Variants in PDSS2 observed in about 807,000 individuals in gnomAD.
PDSS2 encodes the protein decaprenyl diphosphate synthase subunit 2, also known as all trans-polyprenyl-diphosphate synthase PDSS2.
PDSS2 carries 31 observed loss-of-function variants against 44.5 expected under a neutral mutation model. The observed-to-expected ratio is 0.70, with a 90% CI of 0.52 to 0.94. The LOEUF is 0.94. PDSS2 is among the 40% of genes least tolerant of loss of function. The probability of loss-of-function intolerance (pLI) is 0.00; values close to 1 mark genes in which losing one functional copy is unlikely to be tolerated. For missense variants in PDSS2, 452 were observed against 482.2 expected (o/e 0.94, Z 0.59); for synonymous variants, 157 against 180.3 (o/e 0.87, Z 1.03).
chr6:107,357,136 C>G (rs962728507), intron 1 of PDSS2, among the ~76,000 whole-genome samples: 2 of 152,072 alleles, frequency 1.3e-5, no homozygotes, highest in Non-Finnish European at 2.9e-5. Context: ...TTTAAATATG[C>G]GCACAGGAGA....
chr6:107,243,464 A>G (rs956239796), intron 4 of PDSS2, among the ~76,000 whole-genome samples: 10 of 152,256 alleles, frequency 6.6e-5, no homozygotes, highest in African/African-American at 2.4e-4. Flanking sequence ...TGGTAAGAGT[A>G]GATAAATTAA....
At chr6:107,227,663 T>C (rs1328180202) in intron 4 of PDSS2, among the ~76,000 whole-genome samples, 1 of 152,066 alleles carries the variant, frequency 6.6e-6, no homozygotes, top group Non-Finnish European at 1.5e-5. Flanking sequence ...CTGGTGAAGG[T>C]GGTGGTACGG....
rs551130036 is a variant in PDSS2, at chr6:107,227,238, C to G, written c.703-14956G>C. ...CCTCAAGTGATCTGCCGGCCCTGGC[C>G]TCCCAAAGTGCTGGGATTATAGGTG... On this transcript the variant is annotated intron_variant, in intron 4 of 7. Coordinates refer to ENST00000369037, the MANE Select transcript of PDSS2 (RefSeq NM_020381.4). 6.7e-5 allele frequency among the ~76,000 whole-genome samples: 10 copies of G among 148,926 alleles called. No individual in the cohort carries two copies. In the South Asian group the frequency reaches 2.1e-3, roughly 32 times the overall value.
At chr6:107,451,221 G>GT (rs1226041271) in intron 1 of PDSS2, among the ~76,000 whole-genome samples, 3 of 152,150 alleles carry the variant, frequency 2.0e-5, no homozygotes, top group Non-Finnish European at 4.4e-5. Context: ...GAGAAATCTA[G>GT]TTTATCTGCA....
chr6:107,422,501 A>C (rs1780858512), intron 1 of PDSS2, among the ~76,000 whole-genome samples: 1 of 152,104 alleles, frequency 6.6e-6, no homozygotes, highest in Non-Finnish European at 1.5e-5. Context: ...ACAAGTGTGC[A>C]ATGACATACA....
At chr6:107,308,549 G>C (rs181210999) in intron 2 of PDSS2, among the ~76,000 whole-genome samples, 97 of 152,282 alleles carry the variant, frequency 6.4e-4, no homozygotes, top group Admixed American at 1.7e-3. Flanking sequence ...TAGTACATAA[G>C]TGTAAACTGA....
At chr6:107,374,412 T>C (rs1033708911) in intron 1 of PDSS2, among the ~76,000 whole-genome samples, 4 of 152,224 alleles carry the variant, frequency 2.6e-5, no homozygotes, top group African/African-American at 9.6e-5. Context: ...TTTTAAAGTT[T>C]AGCATGTAGT....
chr6:107,405,731 C>G (rs1367649517), intron 1 of PDSS2, among the ~76,000 whole-genome samples: 6 of 150,884 alleles, frequency 4.0e-5, no homozygotes, highest in Admixed American at 6.6e-5. Context: ...CCTGTAGTCC[C>G]AGCTACTTGG....
intron 1 of PDSS2, among the ~76,000 whole-genome samples, chr6:107,375,523 A>G (rs1203767528): frequency 6.6e-6 from 1 of 152,260 alleles, no homozygotes; most frequent in Non-Finnish European, 1.5e-5. Flanking sequence ...ATGAAAGTTC[A>G]TGTAAGAAGA....
Position 107,388,002 on chromosome 6 carries a change from T to C in PDSS2, c.297-53670A>G, listed in dbSNP as rs1010442804. Among the ~76,000 whole-genome samples the C allele has an allele frequency of 3.9e-5, 6 of 152,210 alleles. No homozygotes were observed. The East Asian group carries it at 1.2e-3, about 29-fold the overall frequency. On this transcript the variant is annotated intron_variant, in intron 1 of 7. Transcript: ENST00000369037. ...TATTCAATCAATTACATTATTTTAG[T>C]ATAATTATCTATTTCCTTAGACTAC...
At chr6:107,301,768 C>T (rs1314767918) in intron 2 of PDSS2, among the ~76,000 whole-genome samples, 2 of 151,894 alleles carry the variant, frequency 1.3e-5, no homozygotes, top group African/African-American at 2.4e-5. Context: ...TTGAGACCAG[C>T]TTGACCAACA....
chr6:107,224,171 T>C (rs1413445291), intron 4 of PDSS2, among the ~76,000 whole-genome samples: 1 of 151,358 alleles, frequency 6.6e-6, no homozygotes, highest in East Asian at 1.9e-4. Context: ...AACAACAATA[T>C]GAGCTGCTCA....
In PDSS2 at chr6:107,459,063, C is replaced by A. The variant is rs369079759; in HGVS notation, c.223G>T (p.Asp75Tyr). The change falls in exon 1 of 8, where the codon GAC (aspartate) becomes TAC (tyrosine). Residue 75 changes from aspartate (D) to tyrosine (Y), a missense_variant. Physicochemically the swap from Asp to Tyr is radical, Grantham distance 160. Coordinates refer to ENST00000369037, the MANE Select transcript of PDSS2 (RefSeq NM_020381.4). The surrounding 1 kb of genome is among the most constrained non-coding windows in gnomAD (Gnocchi z 4.3). ...TGCATAGCGATGTTGCTGAGCTCGT[C>A]GCTCAGCAGGCAGCGAAGGCTCATG... ...SFMSLRCLLS[D>Y]ELSNIAMQVR... The A allele has an allele frequency of 6.2e-7, 1 of 1,613,832 alleles. No individual in the cohort carries two copies. The highest frequency in any genetic ancestry group is 1.3e-5 in the African/African-American group (1 of 74,912).
intron 7 of PDSS2, among the ~76,000 whole-genome samples, chr6:107,171,899 A>T (rs1233115399): frequency 2.0e-5 from 3 of 152,188 alleles, no homozygotes; most frequent in Non-Finnish European, 4.4e-5. Flanking sequence ...CATAGAAAGA[A>T]CTTTCCAAAT....
intron 2 of PDSS2, among the ~76,000 whole-genome samples, chr6:107,286,725 A>T (rs1041948247): frequency 1.3e-5 from 2 of 152,084 alleles, no homozygotes; most frequent in Non-Finnish European, 2.9e-5. Flanking sequence ...AAAGTATGTA[A>T]AATGATGCTC....
chr6:107,404,557 G>A (rs971844194), intron 1 of PDSS2, among the ~76,000 whole-genome samples: 17 of 152,142 alleles, frequency 1.1e-4, no homozygotes, highest in African/African-American at 2.4e-4. Flanking sequence ...TCACAATCAC[G>A]GCAGAAAGCG....
chr6:107,242,108 G>A (rs565571990), intron 4 of PDSS2, among the ~76,000 whole-genome samples: 2 of 152,210 alleles, frequency 1.3e-5, no homozygotes, highest in South Asian at 4.2e-4. Context: ...GCAATGGTAA[G>A]CACACTCAGG....
chr6:107,290,944 G>A (rs554367779), intron 2 of PDSS2, among the ~76,000 whole-genome samples: 3 of 151,572 alleles, frequency 2.0e-5, no homozygotes, highest in African/African-American at 4.8e-5. Context: ...GGGAGCAGAC[G>A]GAGAAACAGA....
intron 2 of PDSS2, among the ~76,000 whole-genome samples, chr6:107,310,235 A>G (rs943389955): frequency 6.7e-6 from 1 of 148,442 alleles, no homozygotes; most frequent in African/African-American, 2.5e-5. Flanking sequence ...CAGTGAGCAG[A>G]GATCACGCTA....
Sources: gnomAD v4.1 joint callset for allele counts (sites outside exome capture counted in the v4.1 genomes callset) on GRCh38, gnomAD v4.1.1 for gene constraint, Gnocchi (gnomAD v3.1) non-coding constraint, MANE v1.5 for transcripts, NCBI Gene and HGNC (gene_info 2026-07-23, HGNC 2026-07-21) for gene names.